CRELD2: variants seen among roughly 807,000 people sequenced by gnomAD.
The protein encoded by CRELD2 is protein disulfide isomerase CRELD2.
CRELD2 carries 33 observed loss-of-function variants against 48.1 expected under a neutral mutation model. That is an observed-to-expected ratio of 0.69 (90% CI 0.52 to 0.92). The LOEUF (loss-of-function observed/expected upper bound fraction) is 0.92. Among genes scored for constraint, CRELD2 ranks in the 40% least tolerant of loss-of-function variants. CRELD2 has a pLI of 0.00. For synonymous variants in CRELD2, 220 were observed against 203.9 expected, an observed-to-expected ratio of 1.08 and a Z score of -0.67; for missense variants, 477 against 482.4, an observed-to-expected ratio of 0.99 and a Z score of 0.10.
At chr22:49,927,176 G>A in intron 9 of CRELD2, 79 bp from the exon 10 acceptor site, 1 of 1,287,016 alleles carries the variant, frequency 7.8e-7, no homozygotes, top group Non-Finnish European at 1.1e-6. Flanking sequence ...CCCTGCACAT[G>A]CGCTGCTGTC....
chr22:49,919,403 A>G, intron 2 of CRELD2, 91 bp downstream of exon 2: 1 of 1,189,460 alleles, frequency 8.4e-7, no homozygotes, highest in Non-Finnish European at 1.2e-6. Context: ...AATGACAGGG[A>G]GACAGAACAG....
chr22:49,924,168 A>T, intron 7 of CRELD2, 192 bp from the exon 8 acceptor site: 1 of 512,068 alleles, frequency 2.0e-6, no homozygotes, highest in East Asian at 3.3e-5. Flanking sequence ...GCTCTCCGGG[A>T]GCACCTGCTG....
intron 5 of CRELD2, chr22:49,922,168 T>C (rs2060694755): frequency 9.5e-6 from 10 of 1,054,806 alleles, no homozygotes; most frequent in Middle Eastern, 3.1e-4. Flanking sequence ...GTCACTGATA[T>C]GTAGGAAAAC....
chr22:49,927,423 G>T lies in CRELD2; in HGVS notation c.*116G>T. On this transcript the variant is annotated 3_prime_UTR_variant, in exon 10 of 10. Transcript: ENST00000328268. ...GGGAGAGGCTGCCTGCTCTCTAACG[G>T]TTGATTCTCATTTGTCCCTTAAACA... The T allele has an allele frequency of 1.2e-6, 1 of 802,288 alleles. No homozygotes were observed. The highest frequency in any genetic ancestry group is 1.7e-5 in the African/African-American group (1 of 58,904). The allele number at this position is 802,288 out of a possible 1,614,324, so 49.7% of individuals were successfully genotyped here.
Position 49,919,214 on chromosome 22 carries a change from C to T in CRELD2, c.130-16C>T, listed in dbSNP as rs773110227. The T allele has an allele frequency of 1.5e-5, 24 of 1,612,796 alleles. No individual in the cohort carries two copies. The highest frequency in any genetic ancestry group is 1.9e-5 in the Non-Finnish European group (22 of 1,179,304). On this transcript the variant is annotated splice_polypyrimidine_tract_variant and intron_variant, in intron 1 of 9. Coordinates refer to ENST00000328268, the MANE Select transcript of CRELD2 (RefSeq NM_024324.5). ...GTCAGGTGGTACCAAGCACTATGGG[C>T]ACTGTCTCCTCGCAGGGGATGGTGG...
At chr22:49,923,055 C>T (rs1374934991) in intron 6 of CRELD2, among the ~76,000 whole-genome samples, 179 bp from the exon 7 acceptor site, 2 of 152,072 alleles carry the variant, frequency 1.3e-5, no homozygotes, top group Non-Finnish European at 2.9e-5. Context: ...TCATCCCCTC[C>T]CCTGCCGCGT....
Position 49,923,218 on chromosome 22 carries a change from T to A in CRELD2, c.689-16T>A, listed in dbSNP as rs2060719578. On this transcript the variant is annotated splice_polypyrimidine_tract_variant and intron_variant, in intron 6 of 9. Coordinates refer to ENST00000328268, the MANE Select transcript of CRELD2 (RefSeq NM_024324.5). ...GGCTGTCCTGGGCCGCTCACAGCTG[T>A]GCCGCTCTGTTCCAGATGTGGACGA... is the stretch of plus-strand genomic sequence containing the variant. The A allele has an allele frequency of 1.3e-6, 2 of 1,558,938 alleles. No individual in the cohort carries two copies. Among genetic ancestry groups the A allele is most frequent in the Non-Finnish European group, 1.7e-6 (2 of 1,153,916 alleles).
intron 4 of CRELD2, among the ~76,000 whole-genome samples, chr22:49,920,689 A>G (rs918803930): frequency 3.9e-5 from 6 of 152,226 alleles, no homozygotes; most frequent in Non-Finnish European, 5.9e-5. Flanking sequence ...TTGAGCCCCA[A>G]TGGGTGCCAA....
rs1009210516 is a variant in CRELD2 at position 49,923,573 on chromosome 22, C to G, written c.772+256C>G. 39 of 590,010 alleles carry G rather than the reference C, an allele frequency of 6.6e-5. No homozygotes were observed. The East Asian group carries it at 8.2e-4, about 12-fold the overall frequency. 36.5% of individuals were successfully genotyped at this position (590,010 alleles called of 1,614,324 possible). ...CTGGTGCCTCCACTGCTCGTGCCCC[C>G]CCAGCGCCCCCGCAACGTGCCCTGC... On this transcript the variant is annotated intron_variant, in intron 7 of 9. Coordinates refer to ENST00000328268, the MANE Select transcript of CRELD2 (RefSeq NM_024324.5).
intron 9 of CRELD2, chr22:49,925,797 G>T (rs2060756706): frequency 7.6e-7 from 1 of 1,318,250 alleles, no homozygotes; most frequent in Non-Finnish European, 9.9e-7. Context: ...GATGAAGGGG[G>T]AAGTCTCTGA....
chr22:49,925,429 G>GC lies in CRELD2; in HGVS notation c.882dup (p.Ser295LeufsTer27). Reference sequence around the variant, plus strand: ...CTTTTCATTTTAGATGTGGACGAGTGCTCACTAGCAGAAAAAACCTGTGTG... The same window carrying GC: ...CTTTTCATTTTAGATGTGGACGAGTGCCTCACTAGCAGAAAAAACCTGTGTG... On this transcript the variant is annotated frameshift_variant, in exon 9 of 10. Transcript: ENST00000328268. LOFTEE classifies it high-confidence loss of function. 1 of 1,609,130 alleles carries GC rather than the reference G, an allele frequency of 6.2e-7. No individual in the cohort carries two copies. Among genetic ancestry groups the GC allele is most frequent in the Non-Finnish European group, 8.5e-7 (1 of 1,176,106 alleles).
chr22:49,925,344 A>G lies in CRELD2; in HGVS notation c.869-73A>G, dbSNP rs1050373250. 13 of 981,018 alleles carry G rather than the reference A, an allele frequency of 1.3e-5. No homozygotes were observed. The African/African-American group carries it at 1.6e-4, about 12-fold the overall frequency. 60.8% of individuals were successfully genotyped at this position (981,018 alleles called of 1,614,324 possible). A position where few individuals can be genotyped will look rare whatever the true frequency, so the allele number is the denominator to read the frequency against. ...GCTTTCTTTATGTGAATGAATCTGA[A>G]TGAATGAATTTCATAATCCGCTGCG... On this transcript the variant is annotated intron_variant, in intron 8 of 9. Coordinates refer to ENST00000328268, the MANE Select transcript of CRELD2 (RefSeq NM_024324.5).
intron 5 of CRELD2, chr22:49,922,154 G>C (rs1385834735): frequency 7.5e-6 from 7 of 937,220 alleles, no homozygotes; most frequent in Non-Finnish European, 1.1e-5. Context: ...TTTTCTCCCT[G>C]GTTGTCACTG....
At position 49,918,802 on chromosome 22, in the gene CRELD2, C is replaced by G. The variant is rs2060641370; in HGVS notation, c.33C>G (p.Leu11=). The change falls in exon 1 of 10, where the codon CTC becomes CTG. Residue 11 remains leucine (L), a synonymous_variant. Transcript: ENST00000328268. ...TGCCGCGCCGGGCCGCGCTGGGGCT[C>G]CTGCCGCTTCTGCTGCTGCTGCCGC... is the stretch of plus-strand genomic sequence containing the variant. MRLPRRAALG[L]LPLLLLLPPA... 7.5e-7 allele frequency: 1 copy of G among 1,329,114 alleles called. No homozygotes were observed. Among genetic ancestry groups the G allele is most frequent in the East Asian group, 3.1e-5 (1 of 32,310 alleles). The allele number at this position is 1,329,114 out of a possible 1,614,324, so 82.3% of individuals were successfully genotyped here. A position where few individuals can be genotyped will look rare whatever the true frequency, so the allele number is the denominator to read the frequency against.
intron 9 of CRELD2, chr22:49,926,004 A>G (rs2060758989): frequency 6.3e-6 from 1 of 159,914 alleles, no homozygotes. Flanking sequence ...TTAGGGCTCC[A>G]GCAACAGAAA....
rs1387206533 is a variant in CRELD2, at chr22:49,919,234, T to C, written c.134T>C (p.Met45Thr). ...RGLVDKFNQG[M>T]VDTAKKNFGG... ...ATGGGCACTGTCTCCTCGCAGGGGA[T>C]GGTGGACACCGCAAAGAAGAACTTT... Residue 45 changes from methionine (M) to threonine (T), a missense_variant, in exon 2 of 10, where the codon ATG becomes ACG. By Grantham distance (81) the Met-to-Thr change is moderately conservative (BLOSUM62 -1). Coordinates refer to ENST00000328268, the MANE Select transcript of CRELD2 (RefSeq NM_024324.5). 6.2e-7 allele frequency: 1 copy of C among 1,613,582 alleles called. No individual in the cohort carries two copies. Among genetic ancestry groups the C allele is most frequent in the South Asian group, 1.1e-5 (1 of 91,072 alleles).
rs376839460 is a variant in CRELD2, at chr22:49,921,586, A to C, written c.417A>C (p.Ala139=). The change falls in exon 5 of 10, where the codon GCA becomes GCC. Residue 139 remains alanine, a splice_region_variant and synonymous_variant. Transcript: ENST00000328268. ...AGCATGGTTTTGTGTCCCCTAAAGC[A>C]TGCCAGGGCGGATCCCAGAGGCCCT... The part of the protein sequence containing the change: ...SPGTYGPDCL[A]CQGGSQRPCS... 4.1e-5 allele frequency: 66 copies of C among 1,611,926 alleles called. No homozygotes were observed. Among genetic ancestry groups the C allele is most frequent in the Non-Finnish European group, 5.3e-5 (63 of 1,179,488 alleles).
chr22:49,920,030 G>A, intron 3 of CRELD2, 126 bp from the exon 4 acceptor site: 1 of 774,542 alleles, frequency 1.3e-6, no homozygotes, highest in Non-Finnish European at 2.2e-6. Context: ...AGAAGATTCT[G>A]TCCACACCTA....
intron 5 of CRELD2, 144 bp downstream of exon 5, chr22:49,921,905 A>G: frequency 1.2e-6 from 1 of 806,984 alleles, no homozygotes. Context: ...CAGAAGGATG[A>G]ATGAAAACAT....
Sources: gnomAD v4.1 joint callset for allele counts (sites outside exome capture counted in the v4.1 genomes callset) on GRCh38, gnomAD v4.1.1 for gene constraint, MANE v1.5 for transcripts, NCBI Gene and HGNC (gene_info 2026-07-23, HGNC 2026-07-21) for gene names.